Variants in GPM6A observed in about 807,000 individuals in gnomAD.
GPM6A encodes neuronal membrane glycoprotein M6-a.
A neutral mutation model predicts 32.1 loss-of-function variants in GPM6A; 7 were observed. That is an observed-to-expected ratio of 0.22 (90% CI 0.12 to 0.41). The LOEUF is 0.41. Among genes scored for constraint, GPM6A ranks in the 10% least tolerant of loss-of-function variants. The pLI is 1.00. For synonymous variants in GPM6A, 130 were observed against 123.4 expected (o/e 1.05, Z -0.35); for missense variants, 235 against 347.2 (o/e 0.68, Z 2.57).
chr4:175,694,142 T>C (rs1744444589), intron 2 of GPM6A, among the ~76,000 whole-genome samples: 1 of 152,190 alleles, frequency 6.6e-6, no homozygotes, highest in African/African-American at 2.4e-5. Flanking sequence ...ATTAACCTCT[T>C]CTTTCTAAAT....
chr4:175,813,170 A>T (rs1232572568), upstream of GPM6A: 1 of 665,316 alleles, frequency 1.5e-6, no homozygotes, highest in African/African-American at 2.0e-5. Context: ...CTGGTTTCCA[A>T]TGAGAATCTC....
chr4:175,799,671 C>CTTTTCTTTTT (rs1553990617), intron 1 of GPM6A, among the ~76,000 whole-genome samples: 1 of 122,098 alleles, frequency 8.2e-6, no homozygotes, highest in African/African-American at 2.9e-5. Context: ...CAAGTGTTTT[C>CTTTTCTTTTT]TTTTTTTTTT....
chr4:175,871,244 G>C (rs747635699), intron 1 of GPM6A, among the ~76,000 whole-genome samples: 1 of 151,998 alleles, frequency 6.6e-6, no homozygotes, highest in African/African-American at 2.4e-5. Flanking sequence ...TGAGGCAGAC[G>C]CATCACCTGA....
At chr4:175,770,543 G>C (rs573590431) in intron 1 of GPM6A, among the ~76,000 whole-genome samples, 1 of 152,096 alleles carries the variant, frequency 6.6e-6, no homozygotes. Context: ...TTGCTTGACT[G>C]TCCAGCCTTC....
At chr4:175,910,629 C>A (rs1050606976) in intron 1 of GPM6A, among the ~76,000 whole-genome samples, 1 of 152,136 alleles carries the variant, frequency 6.6e-6, no homozygotes. Context: ...GTCTTTAGCA[C>A]CCTTCTACAT....
intron 1 of GPM6A, among the ~76,000 whole-genome samples, chr4:175,939,486 A>T (rs1739339739): frequency 6.6e-6 from 1 of 152,232 alleles, no homozygotes. Flanking sequence ...CTGCCAGACA[A>T]GTTAAAAGTA....
At chr4:175,680,588 C>G (rs1047669746) in intron 2 of GPM6A, among the ~76,000 whole-genome samples, 2 of 152,164 alleles carry the variant, frequency 1.3e-5, no homozygotes, top group Admixed American at 6.5e-5. Flanking sequence ...CGTTGTCCAT[C>G]TCATCCATAT....
At chr4:175,637,708 T>A (rs1740858356) in intron 6 of GPM6A, among the ~76,000 whole-genome samples, 2 of 2,422 alleles carry the variant, frequency 8.3e-4, no homozygotes, top group African/African-American at 1.6e-3. Flanking sequence ...TTATATATTA[T>A]ATATATTTAT....
chr4:175,699,776 C>T lies in GPM6A; in HGVS notation c.230+1799G>A, dbSNP rs562693337. Among the ~76,000 whole-genome samples, 13 of 152,174 alleles carry T rather than the reference C, an allele frequency of 8.5e-5. No homozygotes were observed. In the East Asian group the frequency reaches 1.4e-3, roughly 16 times the overall value. On this transcript the variant is annotated intron_variant, in intron 2 of 6. Transcript: ENST00000393658. ...TAAATAAACAAATATTTCAGCTTTG[C>T]TTTTACTAAAAATTTTGCTATGTAC...
chr4:175,957,502 G>A (rs1740025408), intron 1 of GPM6A, among the ~76,000 whole-genome samples: 1 of 145,848 alleles, frequency 6.9e-6, no homozygotes, highest in Non-Finnish European at 1.5e-5. Context: ...TCATTAGTGG[G>A]AGTTGAACAA....
chr4:175,644,401 C>A (rs1741335975), intron 4 of GPM6A, among the ~76,000 whole-genome samples: 1 of 151,974 alleles, frequency 6.6e-6, no homozygotes, highest in Admixed American at 6.6e-5. Flanking sequence ...AACATCATTA[C>A]TGAACCTCCA....
chr4:175,900,805 A>G (rs1008427138), intron 1 of GPM6A, among the ~76,000 whole-genome samples: 1 of 152,178 alleles, frequency 6.6e-6, no homozygotes, highest in Non-Finnish European at 1.5e-5. Context: ...CAGTATATCA[A>G]AGAGATAGCT....
intron 1 of GPM6A, among the ~76,000 whole-genome samples, chr4:175,731,107 T>G (rs1199484005): frequency 6.6e-6 from 1 of 152,162 alleles, no homozygotes; most frequent in Non-Finnish European, 1.5e-5. Context: ...TTTCTCCAAT[T>G]TATGCTTACT....
intron 1 of GPM6A, among the ~76,000 whole-genome samples, chr4:175,900,357 GGAAAGGAAAA>G (rs1365731075): frequency 2.5e-4 from 35 of 140,356 alleles, no homozygotes; most frequent in African/African-American, 4.2e-4. Flanking sequence ...GGAAAAGAAA[GGAAAGGAAAA>G]GAAAGGAAAG....
At chr4:175,954,328 C>T (rs1579660376) in intron 1 of GPM6A, among the ~76,000 whole-genome samples, 1 of 152,212 alleles carries the variant, frequency 6.6e-6, no homozygotes, top group African/African-American at 2.4e-5. Flanking sequence ...GACAGCACAG[C>T]TCTAGTGGCT....
At chr4:175,768,942 A>G (rs893909830) in intron 1 of GPM6A, among the ~76,000 whole-genome samples, 1 of 152,190 alleles carries the variant, frequency 6.6e-6, no homozygotes, top group East Asian at 1.9e-4. Flanking sequence ...CAAAAATACC[A>G]AAATTAGCTG....
At chr4:175,654,797 T>C (rs952400406) in intron 3 of GPM6A, among the ~76,000 whole-genome samples, 2 of 151,474 alleles carry the variant, frequency 1.3e-5, no homozygotes, top group Non-Finnish European at 2.9e-5. Flanking sequence ...GGCTAATGTA[T>C]AGTCTCTAGA....
chr4:175,911,749 G>A (rs901844781), intron 1 of GPM6A, among the ~76,000 whole-genome samples: 7 of 152,158 alleles, frequency 4.6e-5, no homozygotes, highest in Non-Finnish European at 7.3e-5. Context: ...TTATATGTAC[G>A]AAGATGGTGA....
At chr4:175,985,313 A>G (rs1336118446) in intron 1 of GPM6A, among the ~76,000 whole-genome samples, 1 of 152,186 alleles carries the variant, frequency 6.6e-6, no homozygotes, top group Non-Finnish European at 1.5e-5. Flanking sequence ...TTTTTGGTAA[A>G]TTTACTGCTG....
Sources: gnomAD v4.1 joint callset for allele counts (sites outside exome capture counted in the v4.1 genomes callset) on GRCh38, gnomAD v4.1.1 for gene constraint, MANE v1.5 for transcripts, NCBI Gene and HGNC (gene_info 2026-07-23, HGNC 2026-07-21) for gene names.